ANKRD55: variants seen among roughly 807,000 people sequenced by gnomAD.
ANKRD55 encodes ankyrin repeat domain 55.
A neutral mutation model predicts 60.6 loss-of-function variants in ANKRD55; 41 were observed. The ratio of observed to expected loss-of-function variants is 0.68; its 90% confidence interval spans 0.53 to 0.88. The LOEUF is 0.88. Among genes scored for constraint, ANKRD55 ranks in the 40% least tolerant of loss-of-function variants. The pLI is 0.00. For synonymous variants in ANKRD55, 264 were observed against 290.3 expected (o/e 0.91, Z 0.92); for missense variants, 732 against 767.6 (o/e 0.95, Z 0.55).
At chr5:56,210,256 T>TA (rs1248297546) in intron 2 of ANKRD55, among the ~76,000 whole-genome samples, 2 of 152,294 alleles carry the variant, frequency 1.3e-5, no homozygotes, top group East Asian at 3.9e-4. Flanking sequence ...GTATCCTTTC[T>TA]ATTGTCTCTA....
At chr5:56,141,269 C>A (rs970060657) in intron 7 of ANKRD55, among the ~76,000 whole-genome samples, 20 of 143,894 alleles carry the variant, frequency 1.4e-4, no homozygotes, top group Non-Finnish European at 2.8e-4. Flanking sequence ...CCAGCCAATA[C>A]AAATATTTTT....
At chr5:56,169,823 A>G (rs904935306) in intron 5 of ANKRD55, among the ~76,000 whole-genome samples, 1 of 152,136 alleles carries the variant, frequency 6.6e-6, no homozygotes, top group African/African-American at 2.4e-5. Context: ...GGAAATGCTC[A>G]ATTCCTGTCA....
At chr5:56,193,499 T>G (rs1759159284) in intron 2 of ANKRD55, 1 of 463,864 alleles carries the variant, frequency 2.2e-6, no homozygotes, top group African/African-American at 2.0e-5. Context: ...ACTGTGTATG[T>G]GTTAGAATAC....
chr5:56,218,845 CAG>C (rs1220765373), intron 2 of ANKRD55, among the ~76,000 whole-genome samples: 1 of 151,968 alleles, frequency 6.6e-6, no homozygotes, highest in African/African-American at 2.4e-5. Context: ...GTGAGGGAGA[CAG>C]AGACAGAAAG....
At chr5:56,162,511 C>T (rs1169889114) in intron 5 of ANKRD55, among the ~76,000 whole-genome samples, 2 of 152,160 alleles carry the variant, frequency 1.3e-5, no homozygotes, top group Non-Finnish European at 2.9e-5. Flanking sequence ...TCTCCTACAG[C>T]TAAGCTACCA....
intron 3 of ANKRD55, among the ~76,000 whole-genome samples, chr5:56,182,233 C>T (rs866109532): frequency 2.8e-5 from 4 of 145,178 alleles, no homozygotes; most frequent in Middle Eastern, 3.8e-3. Flanking sequence ...ATATCTTTTT[C>T]GGGGGGGATT....
intron 2 of ANKRD55, among the ~76,000 whole-genome samples, chr5:56,229,885 T>C (rs1280712459): frequency 3.3e-5 from 5 of 151,154 alleles, no homozygotes; most frequent in Middle Eastern, 6.8e-3. Flanking sequence ...GGTGTTGTTA[T>C]TATTATTAGG....
At chr5:56,161,066 C>G (rs1758317846) in intron 5 of ANKRD55, 1 of 152,296 alleles carries the variant, frequency 6.6e-6, no homozygotes, top group Non-Finnish European at 1.5e-5. Flanking sequence ...TAGAGCATGC[C>G]TGGAACATGC....
chr5:56,128,528 C>G (rs1466476337), intron 7 of ANKRD55, among the ~76,000 whole-genome samples: 1 of 152,166 alleles, frequency 6.6e-6, no homozygotes, highest in Non-Finnish European at 1.5e-5. Flanking sequence ...TTCCTTTTGT[C>G]CTAAATTCTC....
In ANKRD55 at chr5:56,233,046, A is replaced by C. The variant is rs528782008; in HGVS notation, c.-33-100T>G. On this transcript the variant is annotated intron_variant, in intron 1 of 11. Transcript: ENST00000341048. ...TCTGTTTCAGGATTAAATGTGCATC[A>C]GAGCTGCAGGTTGTTGTCAAGGCAA... 16 of 772,276 alleles carry C rather than the reference A, an allele frequency of 2.1e-5. 1 individual carries two copies. The South Asian group carries it at 2.6e-4, about 12-fold the overall frequency. The allele number at this position is 772,276 out of a possible 1,614,324, so 47.8% of individuals were successfully genotyped here.
intron 7 of ANKRD55, among the ~76,000 whole-genome samples, chr5:56,128,691 A>C (rs956470881): frequency 6.6e-6 from 1 of 152,164 alleles, no homozygotes; most frequent in African/African-American, 2.4e-5. Flanking sequence ...AAGCCATTTC[A>C]TGTACTAACT....
chr5:56,115,622 C>T (rs563828619), intron 9 of ANKRD55, among the ~76,000 whole-genome samples: 59 of 151,984 alleles, frequency 3.9e-4, no homozygotes, highest in Non-Finnish European at 7.1e-4. Context: ...ATGCCCAGCC[C>T]GCAGCTGTAT....
At chr5:56,121,963 G>T (rs771028879) in intron 8 of ANKRD55, among the ~76,000 whole-genome samples, 7 of 152,140 alleles carry the variant, frequency 4.6e-5, no homozygotes, top group Non-Finnish European at 8.8e-5. Context: ...TTGGATGAAG[G>T]ACTCTGCCTG....
chr5:56,216,644 G>A (rs1238155456), intron 2 of ANKRD55, among the ~76,000 whole-genome samples: 2 of 152,202 alleles, frequency 1.3e-5, no homozygotes, highest in Non-Finnish European at 2.9e-5. Flanking sequence ...TATGGAGAAA[G>A]TTTTAGTGGC....
At chr5:56,173,237 G>A (rs894220632) in intron 4 of ANKRD55, among the ~76,000 whole-genome samples, 15 of 152,120 alleles carry the variant, frequency 9.9e-5, no homozygotes, top group East Asian at 5.8e-4. Context: ...TCACTCTGTC[G>A]CCCAGGCTGG....
In ANKRD55 at chr5:56,176,181, G is replaced by T. The variant is rs1009396235; in HGVS notation, c.283C>A (p.Arg95Ser). The change falls in exon 4 of 12, where the codon CGC becomes AGC. Residue 95 changes from arginine (R) to serine (S), a missense_variant. Physicochemically the swap from Arg to Ser is moderately radical, Grantham distance 110. Around this residue, in one of 3 missense-constraint regions of ANKRD55, gnomAD observed 131 missense variants for 142.7 expected, o/e 0.92. Coordinates refer to ENST00000341048, the MANE Select transcript of ANKRD55 (RefSeq NM_024669.3). ...TAGGTGGCCAGGCATAAACTTGTGCGGCCATAAGCATCCTGCATGTTAATA... is the reference window on the plus strand; with the variant it reads ...TAGGTGGCCAGGCATAAACTTGTGCTGCCATAAGCATCCTGCATGTTAATA... ...ANINMQDAYG[R>S]TSLCLATYLG... 25 of 1,614,010 alleles carry T rather than the reference G, an allele frequency of 1.5e-5. No individual in the cohort carries two copies. Among genetic ancestry groups the T allele is most frequent in the Non-Finnish European group, 2.0e-5 (24 of 1,180,026 alleles).
At chr5:56,182,639 A>C (rs1025698681) in intron 3 of ANKRD55, among the ~76,000 whole-genome samples, 9 of 152,150 alleles carry the variant, frequency 5.9e-5, no homozygotes, top group African/African-American at 2.2e-4. Context: ...ATGACGAGTG[A>C]TTTTTGATTG....
chr5:56,105,337 T>TCAGCCTC (rs1378281183), intron 10 of ANKRD55, among the ~76,000 whole-genome samples: 1 of 152,186 alleles, frequency 6.6e-6, no homozygotes, highest in African/African-American at 2.4e-5. Context: ...TCCACCCGTC[T>TCAGCCTC]CAGCCTCCCA....
rs575454114 is a variant in ANKRD55 at position 56,208,236 on chromosome 5, C to T, written c.59-24602G>A. On this transcript the variant is annotated intron_variant, in intron 2 of 11. Coordinates refer to ENST00000341048, the MANE Select transcript of ANKRD55 (RefSeq NM_024669.3). ...ACTGTCATCTCCTATGAGAACAATGCCTTCTTTTGGAATACCTCCTGAGGG... is the reference window on the plus strand; with the variant it reads ...ACTGTCATCTCCTATGAGAACAATGTCTTCTTTTGGAATACCTCCTGAGGG... 4.6e-4 allele frequency among the ~76,000 whole-genome samples: 70 copies of T among 151,852 alleles called. No homozygotes were observed. The South Asian group carries it at 0.011, about 25-fold the overall frequency.
Sources: allele counts gnomAD v4.1 joint callset (sites outside exome capture counted in the v4.1 genomes callset), GRCh38; gene constraint gnomAD v4.1.1; regional missense constraint gnomAD v4.1.1; transcripts MANE v1.5; gene names NCBI Gene and HGNC (gene_info 2026-07-23, HGNC 2026-07-21).